GBE1: variants seen among roughly 807,000 people sequenced by gnomAD.
GBE1 encodes the protein 1,4-alpha-glucan-branching enzyme.
A neutral mutation model predicts 88.8 loss-of-function variants in GBE1; 70 were observed. The ratio of observed to expected loss-of-function variants is 0.79; its 90% CI spans 0.65 to 0.96. The LOEUF (loss-of-function observed/expected upper bound fraction) is 0.96. Among genes scored for constraint, GBE1 ranks in the 40% least tolerant of loss-of-function variants. The pLI, the probability that GBE1 is intolerant of heterozygous loss-of-function variation, is 0.00. For missense variants in GBE1, 872 were observed against 871.0 expected (o/e 1.00, Z -0.01); for synonymous variants, 284 against 300.1 (o/e 0.95, Z 0.56).
At position 81,646,482 on chromosome 3, in the gene GBE1, C is replaced by T. The variant is rs1276815123; in HGVS notation, c.692G>A (p.Gly231Glu). The change falls in exon 6 of 16, where the codon GGA becomes GAA. Residue 231 changes from glycine to glutamate, a missense_variant and splice_region_variant. By Grantham distance (98) the Gly-to-Glu change is moderately conservative. Transcript: ENST00000429644. Reference sequence around the variant, plus strand: ...TGCCATCAACTGAATGCAGTTGTATCCTATATAAGGCAATGGTCAAATCTA... The same window carrying T: ...TGCCATCAACTGAATGCAGTTGTATTCTATATAAGGCAATGGTCAAATCTA... ...CNVLPRIKGL[G>E]YNCIQLMAIM... 6.4e-7 allele frequency: 1 copy of T among 1,554,012 alleles called. No individual in the cohort carries two copies. The highest frequency in any genetic ancestry group is 8.8e-7 in the Non-Finnish European group (1 of 1,136,090).
intron 1 of GBE1, among the ~76,000 whole-genome samples, chr3:81,719,934 T>C (rs990941906): frequency 1.3e-5 from 2 of 152,194 alleles, no homozygotes; most frequent in Admixed American, 6.5e-5. Flanking sequence ...ATGTTAGCCT[T>C]GTGAATGTTT....
chr3:81,654,419 T>A (rs766097717), intron 3 of GBE1, among the ~76,000 whole-genome samples: 2 of 152,172 alleles, frequency 1.3e-5, no homozygotes, highest in African/African-American at 2.4e-5. Context: ...ATTACTGAGA[T>A]AATATGTTCC....
Position 81,581,175 on chromosome 3 carries a change from C to A in GBE1, c.1436G>T (p.Ser479Ile). The change falls in exon 11 of 16, where the codon AGC becomes ATC. Residue 479 changes from serine to isoleucine, a missense_variant. Ser to Ile is a moderately radical substitution (Grantham distance 142, BLOSUM62 -2). Coordinates refer to ENST00000429644, the MANE Select transcript of GBE1 (RefSeq NM_000158.4). ...YLEKCIAYAE[S>I]HDQALVGDKS... ...CACATATTCATTTACCTGATCATGG[C>A]TCTCTGCATAAGCAATGCACTTTTC... 6.3e-7 allele frequency: 1 copy of A among 1,597,864 alleles called. No homozygotes were observed. The highest frequency in any genetic ancestry group is 1.3e-5 in the African/African-American group (1 of 74,406).
intron 12 of GBE1, among the ~76,000 whole-genome samples, chr3:81,566,847 C>T (rs1255211454): frequency 1.3e-5 from 2 of 152,138 alleles, no homozygotes; most frequent in East Asian, 3.9e-4. Flanking sequence ...TTTGGAACTA[C>T]AGTTCTCCTT....
intron 7 of GBE1, among the ~76,000 whole-genome samples, 158 bp from the exon 8 acceptor site, chr3:81,594,181 A>T (rs1703920972): frequency 6.6e-6 from 1 of 152,160 alleles, no homozygotes; most frequent in Non-Finnish European, 1.5e-5. Context: ...ACTAACAAGA[A>T]TCTCAGTTGG....
chr3:81,702,171 T>G (rs888191906), intron 2 of GBE1, among the ~76,000 whole-genome samples: 4 of 146,160 alleles, frequency 2.7e-5, no homozygotes, highest in African/African-American at 5.1e-5. Context: ...TAAGGCATGG[T>G]TAGTTCAGTT....
chr3:81,616,063 T>A (rs1704244409), intron 7 of GBE1, among the ~76,000 whole-genome samples: 2 of 152,296 alleles, frequency 1.3e-5, no homozygotes, highest in South Asian at 4.1e-4. Flanking sequence ...ATATTCTGTT[T>A]TCTTGCCATT....
At position 81,499,227 on chromosome 3, in the gene GBE1, T is replaced by G. The variant is rs756753229; in HGVS notation, c.1935A>C (p.Lys645Asn). The G allele has an allele frequency of 1.3e-6, 2 of 1,561,298 alleles. No individual in the cohort carries two copies. The highest frequency in any genetic ancestry group is 2.2e-5 in the East Asian group (1 of 44,462). Reference sequence around the variant, plus strand: ...CATCTGAATCTAGCACAATTTTGAATGTACAGCTCTTAAGGAATTCACAAC... The same window carrying G: ...CATCTGAATCTAGCACAATTTTGAAGGTACAGCTCTTAAGGAATTCACAAC... ...DYRVGTALPGKFKIVLDSDAA... is the reference protein window; with the variant it reads ...DYRVGTALPGNFKIVLDSDAA... The change falls in exon 15 of 16, where the codon AAA becomes AAC. Residue 645 changes from lysine to asparagine, a missense_variant and splice_region_variant. Transcript: ENST00000429644.
At chr3:81,649,994 A>G in intron 3 of GBE1, 73 bp from the exon 4 acceptor site, 1 of 1,221,280 alleles carries the variant, frequency 8.2e-7, no homozygotes, top group Admixed American at 2.0e-5. Context: ...GTTTAGGAGC[A>G]CTGCTACAAG....
chr3:81,706,443 A>G (rs765544954), intron 1 of GBE1, among the ~76,000 whole-genome samples: 3 of 152,150 alleles, frequency 2.0e-5, no homozygotes, highest in African/African-American at 7.2e-5. Context: ...ATCCAGTAAG[A>G]AACAAACTAG....
chr3:81,591,927 G>A (rs1703883962), intron 8 of GBE1, among the ~76,000 whole-genome samples: 1 of 151,742 alleles, frequency 6.6e-6, no homozygotes, highest in Non-Finnish European at 1.5e-5. Flanking sequence ...TATACTTCAA[G>A]TTCTTTCATG....
chr3:81,754,223 T>C (rs759979502), intron 1 of GBE1, among the ~76,000 whole-genome samples: 2 of 151,784 alleles, frequency 1.3e-5, no homozygotes, highest in Non-Finnish European at 2.9e-5. Context: ...CTACAACGAA[T>C]ACAAAATACC....
intron 3 of GBE1, among the ~76,000 whole-genome samples, chr3:81,661,352 A>G (rs975005424): frequency 2.0e-5 from 3 of 152,202 alleles, no homozygotes; most frequent in African/African-American, 4.8e-5. Context: ...ACAGAACTTT[A>G]TGGACAGTAT....
intron 1 of GBE1, among the ~76,000 whole-genome samples, chr3:81,744,119 T>G (rs535231443): frequency 6.6e-6 from 1 of 152,206 alleles, no homozygotes; most frequent in African/African-American, 2.4e-5. Flanking sequence ...TTCCAAAAGC[T>G]GTTATTTCAA....
chr3:81,646,030 C>T (rs1160562078), intron 6 of GBE1, among the ~76,000 whole-genome samples: 1 of 152,146 alleles, frequency 6.6e-6, no homozygotes, highest in Non-Finnish European at 1.5e-5. Context: ...AGGGACTCTT[C>T]GGTGACCTTC....
chr3:81,699,660 T>A (rs973539121), intron 2 of GBE1, among the ~76,000 whole-genome samples: 1 of 152,114 alleles, frequency 6.6e-6, no homozygotes, highest in African/African-American at 2.4e-5. Flanking sequence ...GCTGGGAAAC[T>A]AGGCCCTTAT....
At chr3:81,676,918 G>C (rs1160530247) in intron 2 of GBE1, among the ~76,000 whole-genome samples, 1 of 152,162 alleles carries the variant, frequency 6.6e-6, no homozygotes, top group African/African-American at 2.4e-5. Flanking sequence ...CACACATTCG[G>C]CAAAGGTGAT....
chr3:81,546,610 T>G (rs1392280994), intron 12 of GBE1, among the ~76,000 whole-genome samples: 5 of 151,348 alleles, frequency 3.3e-5, no homozygotes. Flanking sequence ...TGACCTCTGG[T>G]CTTTCTCACT....
intron 7 of GBE1, chr3:81,612,360 A>G: frequency 1.3e-6 from 1 of 792,440 alleles, no homozygotes; most frequent in Non-Finnish European, 2.1e-6. Context: ...GTGGACTTTG[A>G]AGATGGATCA....
Sources: gnomAD v4.1 joint callset for allele counts (sites outside exome capture counted in the v4.1 genomes callset) on GRCh38, gnomAD v4.1.1 for gene constraint, MANE v1.5 for transcripts, NCBI Gene and HGNC (gene_info 2026-07-23, HGNC 2026-07-21) for gene names.